IWS1: variants seen among roughly 807,000 people sequenced by gnomAD.
IWS1 encodes the protein protein IWS1 homolog.
IWS1 carries 27 observed loss-of-function variants against 86.7 expected under a neutral mutation model. That is an observed-to-expected ratio of 0.31 (90% CI 0.23 to 0.43). IWS1 has a LOEUF of 0.43. IWS1 is among the 20% of genes least tolerant of loss of function. The pLI, the probability that IWS1 is intolerant of heterozygous loss-of-function variation, is 1.00. For synonymous variants in IWS1, 313 were observed against 335.1 expected, an observed-to-expected ratio of 0.93 and a Z score of 0.72; for missense variants, 827 against 1,000.8, an observed-to-expected ratio of 0.83 and a Z score of 2.34.
In IWS1 at chr2:127,480,898, CTG is replaced by C. The variant is rs1315698993; in HGVS notation, c.*144_*145del. 3 of 809,060 alleles carry C rather than the reference CTG, an allele frequency of 3.7e-6. No homozygotes were observed. The East Asian group carries it at 8.3e-5, about 22-fold the overall frequency. 50.1% of individuals were successfully genotyped at this position (809,060 alleles called of 1,614,324 possible). A position where few individuals can be genotyped will look rare whatever the true frequency, so the allele number is the denominator to read the frequency against. On this transcript the variant is annotated 3_prime_UTR_variant, in exon 14 of 14. Transcript: ENST00000295321. ...AAGTACACAACGGTTTTAAATATAA[CTG>C]AGAGAAATGTGAGTCCTATGACAAC...
intron 6 of IWS1, 140 bp from the exon 7 acceptor site, chr2:127,496,288 T>G: frequency 1.1e-6 from 1 of 914,482 alleles, no homozygotes; most frequent in Non-Finnish European, 1.6e-6. Context: ...AATACAGTCA[T>G]GCGCCGCATA....
At chr2:127,525,437 G>T (rs1481366862) in intron 1 of IWS1, among the ~76,000 whole-genome samples, 2 of 152,186 alleles carry the variant, frequency 1.3e-5, no homozygotes, top group Non-Finnish European at 2.9e-5. Flanking sequence ...CATAGAGGGT[G>T]TATTTATTTA....
chr2:127,486,767 A>G, intron 12 of IWS1, 103 bp from the exon 13 acceptor site: 1 of 885,364 alleles, frequency 1.1e-6, no homozygotes, highest in Non-Finnish European at 1.8e-6. Flanking sequence ...ATTAAGCTGC[A>G]ATGTTCGAAA....
At chr2:127,508,259 C>G (rs1691250655) in intron 2 of IWS1, among the ~76,000 whole-genome samples, 1 of 152,124 alleles carries the variant, frequency 6.6e-6, no homozygotes, top group African/African-American at 2.4e-5. Context: ...GCCAAGCATA[C>G]TGTAACAGTA....
At chr2:127,503,662 T>C in intron 3 of IWS1, 86 bp from the exon 4 acceptor site, 2 of 540,916 alleles carry the variant, frequency 3.7e-6, no homozygotes, top group Non-Finnish European at 5.5e-6. Flanking sequence ...GATGGCAGTA[T>C]ACAGCAAAAA....
intron 2 of IWS1, among the ~76,000 whole-genome samples, chr2:127,508,485 T>C (rs528800309): frequency 6.6e-6 from 1 of 152,304 alleles, no homozygotes; most frequent in South Asian, 2.1e-4. Context: ...AAAATTATAA[T>C]TGGCTTTTGG....
At chr2:127,516,488 C>A (rs1013985734) in intron 2 of IWS1, among the ~76,000 whole-genome samples, 2 of 152,160 alleles carry the variant, frequency 1.3e-5, no homozygotes, top group Non-Finnish European at 1.5e-5. Context: ...AGGCCTGGCA[C>A]AATGGCTCAC....
At chr2:127,506,155 G>A (rs1691138352) in intron 2 of IWS1, among the ~76,000 whole-genome samples, 1 of 152,172 alleles carries the variant, frequency 6.6e-6, no homozygotes, top group South Asian at 2.1e-4. Flanking sequence ...ATCACCTGAG[G>A]TCAGGAGTTC....
intron 13 of IWS1, among the ~76,000 whole-genome samples, chr2:127,485,297 A>AAC (rs144974354): frequency 1.3e-5 from 2 of 152,132 alleles, no homozygotes; most frequent in African/African-American, 4.8e-5. Context: ...ATAGGCAGGC[A>AAC]ACACACACAC....
chr2:127,493,985 G>A (rs1433720042), intron 8 of IWS1, among the ~76,000 whole-genome samples: 1 of 152,114 alleles, frequency 6.6e-6, no homozygotes, highest in East Asian at 1.9e-4. Context: ...AAATTTTCTA[G>A]TTACAGATGC....
At chr2:127,518,558 G>T (rs753850406) in intron 2 of IWS1, among the ~76,000 whole-genome samples, 6 of 144,766 alleles carry the variant, frequency 4.1e-5, no homozygotes, top group Non-Finnish European at 9.0e-5. Flanking sequence ...AAGGACAGGC[G>T]ATTCTTTTTT....
At chr2:127,493,892 G>A (rs374241001) in intron 8 of IWS1, among the ~76,000 whole-genome samples, 56 of 151,128 alleles carry the variant, frequency 3.7e-4, no homozygotes, top group African/African-American at 1.3e-3. Context: ...TTTATGTACT[G>A]GAATCAGTTA....
At chr2:127,482,955 C>T (rs1419736123) in intron 13 of IWS1, 4 of 151,444 alleles carry the variant, frequency 2.6e-5, no homozygotes, top group Admixed American at 1.3e-4. Context: ...AGAATGCTCA[C>T]TCAAATGGAT....
Position 127,518,287 on chromosome 2 carries a change from G to A in IWS1, c.150+5389C>T, listed in dbSNP as rs562423104. ...TCCCAGCACTTTGGGAGGCCAAGGC[G>A]GGCGGATGGCTTGAGCTCAGGGGCT... On this transcript the variant is annotated intron_variant, in intron 2 of 13. Coordinates refer to ENST00000295321, the MANE Select transcript of IWS1 (RefSeq NM_017969.3). 2.6e-5 allele frequency among the ~76,000 whole-genome samples: 4 copies of A among 152,278 alleles called. 1 individual carries two copies. Among genetic ancestry groups the A allele is most frequent in the East Asian group, 1.9e-4 (1 of 5,190 alleles).
chr2:127,485,270 G>A (rs890655507), intron 13 of IWS1, among the ~76,000 whole-genome samples: 3 of 152,164 alleles, frequency 2.0e-5, no homozygotes, highest in Non-Finnish European at 4.4e-5. Flanking sequence ...CCAAAGCAGG[G>A]GTCATGGAGA....
At chr2:127,482,422 A>G (rs1356410148) in intron 13 of IWS1, 1 of 152,244 alleles carries the variant, frequency 6.6e-6, no homozygotes, top group East Asian at 1.9e-4. Flanking sequence ...TACTCTGAGT[A>G]AGCATAAAAA....
At chr2:127,525,435 G>T (rs576978962) in intron 1 of IWS1, among the ~76,000 whole-genome samples, 17 of 152,270 alleles carry the variant, frequency 1.1e-4, no homozygotes, top group African/African-American at 1.4e-4. Flanking sequence ...TACATAGAGG[G>T]TGTATTTATT....
chr2:127,523,249 G>GT (rs1228594880), intron 2 of IWS1, among the ~76,000 whole-genome samples: 4 of 151,970 alleles, frequency 2.6e-5, no homozygotes, highest in Non-Finnish European at 5.9e-5. Context: ...TATATACACC[G>GT]TAACAGTTCA....
At chr2:127,518,385 G>A (rs1018418665) in intron 2 of IWS1, among the ~76,000 whole-genome samples, 3 of 152,000 alleles carry the variant, frequency 2.0e-5, no homozygotes, top group South Asian at 2.1e-4. Context: ...GCATACTGGC[G>A]CATGCCTGTG....
Sources: allele counts gnomAD v4.1 joint callset (sites outside exome capture counted in the v4.1 genomes callset), GRCh38; gene constraint gnomAD v4.1.1; transcripts MANE v1.5; gene names NCBI Gene and HGNC (gene_info 2026-07-23, HGNC 2026-07-21).